Variants in TENM2 observed in about 807,000 individuals in gnomAD.
The protein encoded by TENM2 is teneurin transmembrane protein 2, also known as teneurin-2.
In TENM2, 52 loss-of-function variants were observed where a neutral mutation model predicts 245.2. The ratio of observed to expected loss-of-function variants is 0.21; its 90% CI spans 0.17 to 0.27. The LOEUF is 0.27. Among genes scored for constraint, TENM2 ranks in the 10% least tolerant of loss-of-function variants. The pLI is 1.00. For missense variants in TENM2, 3,046 were observed against 3,666.8 expected (o/e 0.83, Z 4.37); for synonymous variants, 1,363 against 1,438.9 (o/e 0.95, Z 1.19).
intron 2 of TENM2, among the ~76,000 whole-genome samples, chr5:167,556,482 T>TA (rs1773269203): frequency 6.6e-6 from 1 of 151,812 alleles, no homozygotes; most frequent in East Asian, 1.9e-4. Context: ...TTGCTTATTC[T>TA]AGTTGTGTTG....
intron 1 of TENM2, chr5:167,296,106 A>G (rs1754934270): frequency 6.6e-6 from 1 of 152,200 alleles, no homozygotes; most frequent in Admixed American, 6.5e-5. Flanking sequence ...AACACAAAAC[A>G]CAGAGAAAAG....
At chr5:167,263,333 C>G in the TENM2 span, among the ~76,000 whole-genome samples, 1 of 143,114 alleles carries the variant, frequency 7.0e-6, no homozygotes. Flanking sequence ...GTAAAACAGT[C>G]TTAAGAATGT....
At chr5:167,757,196 C>T (rs1762364579) in intron 2 of TENM2, among the ~76,000 whole-genome samples, 1 of 151,858 alleles carries the variant, frequency 6.6e-6, no homozygotes, top group East Asian at 1.9e-4. Flanking sequence ...CATCCATCAA[C>T]TCATCAGCTA....
chr5:167,097,005 C>T, the TENM2 span, among the ~76,000 whole-genome samples: 2 of 152,162 alleles, frequency 1.3e-5, no homozygotes, highest in African/African-American at 2.4e-5. Context: ...GCCTTACACA[C>T]TCCAGAGAAT....
intron 2 of TENM2, among the ~76,000 whole-genome samples, chr5:167,414,771 C>T (rs555808965): frequency 4.9e-4 from 74 of 152,202 alleles, no homozygotes; most frequent in Admixed American, 1.6e-3. Flanking sequence ...AGGTCGATTT[C>T]CAGCACTCAC....
chr5:167,853,289 C>CAAAAA (rs777170514), intron 2 of TENM2, among the ~76,000 whole-genome samples: 2,710 of 24,506 alleles, frequency 0.11, 588 homozygotes, highest in Middle Eastern at 0.19. Flanking sequence ...GACTCCGTCT[C>CAAAAA]AAAAAAAAAA....
intron 2 of TENM2, among the ~76,000 whole-genome samples, chr5:167,841,807 G>A (rs764407726): frequency 4.6e-5 from 7 of 151,576 alleles, no homozygotes; most frequent in East Asian, 1.9e-4. Flanking sequence ...TTTCCCTTTC[G>A]TCCCCTTTAT....
chr5:167,535,843 A>G (rs2127597669), intron 2 of TENM2, among the ~76,000 whole-genome samples: 1 of 152,360 alleles, frequency 6.6e-6, no homozygotes, highest in South Asian at 2.1e-4. Context: ...GGACTAAGAC[A>G]AGCCATAAGA....
chr5:167,956,446 A>G (rs1173659697), intron 4 of TENM2, among the ~76,000 whole-genome samples: 3 of 152,146 alleles, frequency 2.0e-5, no homozygotes, highest in Non-Finnish European at 4.4e-5. Flanking sequence ...CTGTCTTCCT[A>G]TTTGAATACC....
intron 2 of TENM2, among the ~76,000 whole-genome samples, chr5:167,786,776 G>C (rs1025775694): frequency 9.9e-5 from 15 of 152,154 alleles, no homozygotes; most frequent in African/African-American, 3.4e-4. Flanking sequence ...TACCACCCAG[G>C]AGCTTTAACT....
chr5:167,533,236 TGGA>T (rs1181521875), intron 2 of TENM2, among the ~76,000 whole-genome samples: 4 of 152,036 alleles, frequency 2.6e-5, no homozygotes, highest in Non-Finnish European at 5.9e-5. Context: ...AGCAAAACAG[TGGA>T]TTCGGGTGAG....
intron 9 of TENM2, among the ~76,000 whole-genome samples, chr5:168,109,827 G>A (rs113325401): frequency 0.027 from 4,061 of 152,198 alleles, 179 homozygotes; most frequent in African/African-American, 0.092. Context: ...TAGCTTGCCA[G>A]GCAGGCATGG....
chr5:167,643,212 A>G (rs1344247324), intron 2 of TENM2, among the ~76,000 whole-genome samples: 1 of 152,194 alleles, frequency 6.6e-6, no homozygotes, highest in Non-Finnish European at 1.5e-5. Context: ...TCAGTTTTAG[A>G]ACATTTTTGT....
intron 19 of TENM2, among the ~76,000 whole-genome samples, chr5:168,206,394 G>A (rs528876967): frequency 6.6e-5 from 10 of 152,220 alleles, no homozygotes; most frequent in African/African-American, 2.4e-4. Context: ...TGGGCTCTGC[G>A]GTACAGAAGG....
the TENM2 span, among the ~76,000 whole-genome samples, chr5:167,163,596 GT>G: frequency 6.6e-6 from 1 of 152,118 alleles, no homozygotes; most frequent in Non-Finnish European, 1.5e-5. Flanking sequence ...GCTTTGCTCG[GT>G]TTTAACACTT....
chr5:168,134,638 G>T (rs1233272058), intron 12 of TENM2, among the ~76,000 whole-genome samples: 1 of 152,276 alleles, frequency 6.6e-6, no homozygotes, highest in South Asian at 2.1e-4. Context: ...AGTGAGCCGA[G>T]ATTGCGCCAT....
At chr5:168,160,445 T>C (rs1757647195) in intron 12 of TENM2, among the ~76,000 whole-genome samples, 1 of 152,210 alleles carries the variant, frequency 6.6e-6, no homozygotes, top group Non-Finnish European at 1.5e-5. Context: ...ACTGGTGCTT[T>C]ACTTGCCTGC....
the TENM2 span, among the ~76,000 whole-genome samples, chr5:167,111,119 T>C: frequency 6.6e-5 from 10 of 152,192 alleles, no homozygotes; most frequent in African/African-American, 2.4e-4. Flanking sequence ...ATACATTATA[T>C]TACTTTAAAT....
At chr5:167,652,355 A>G (rs915197750) in intron 2 of TENM2, among the ~76,000 whole-genome samples, 1 of 152,108 alleles carries the variant, frequency 6.6e-6, no homozygotes, top group Non-Finnish European at 1.5e-5. Context: ...ATTTAACAAT[A>G]ATTTTGGGCT....
Sources: gnomAD v4.1 joint callset for allele counts (sites outside exome capture counted in the v4.1 genomes callset) on GRCh38, gnomAD v4.1.1 for gene constraint, MANE v1.5 for transcripts, NCBI Gene and HGNC (gene_info 2026-07-23, HGNC 2026-07-21) for gene names.